ZC3H14: variants seen among roughly 807,000 people sequenced by gnomAD.
ZC3H14 encodes zinc finger CCCH domain-containing protein 14.
Under a neutral mutation model 92.4 loss-of-function variants are expected in ZC3H14, and 31 were observed. That is an observed-to-expected ratio of 0.34 (90% confidence interval 0.25 to 0.45). ZC3H14 has a LOEUF of 0.45. Among genes scored for constraint, ZC3H14 ranks in the 20% least tolerant of loss-of-function variants. The probability of loss-of-function intolerance (pLI) is 1.00; values close to 1 mark genes in which losing one functional copy is unlikely to be tolerated. For synonymous variants in ZC3H14, 321 were observed against 300.9 expected, an observed-to-expected ratio of 1.07 and a Z score of -0.69; for missense variants, 781 against 897.3, an observed-to-expected ratio of 0.87 and a Z score of 1.66.
Position 88,618,058 on chromosome 14 carries a change from A to G in ZC3H14, c.*6307A>G. 1 of 438,708 alleles carries G rather than the reference A, an allele frequency of 2.3e-6. No homozygotes were observed. Among genetic ancestry groups the G allele is most frequent in the Non-Finnish European group, 4.0e-6 (1 of 250,532 alleles). The allele number at this position is 438,708 out of a possible 1,614,324, so 27.2% of individuals were successfully genotyped here. A position where few individuals can be genotyped will look rare whatever the true frequency, so the allele number is the denominator to read the frequency against. On this transcript the variant is annotated 3_prime_UTR_variant, in exon 17 of 17. Coordinates refer to ENST00000251038, the MANE Select transcript of ZC3H14 (RefSeq NM_024824.5). ...ATGGAAACTGATAAAACATGGAAAT[A>G]TATTCAATAAAAAGGGGTCCCAACA...
chr14:88,598,835 C>G (rs1049107047), intron 10 of ZC3H14, among the ~76,000 whole-genome samples: 2 of 152,200 alleles, frequency 1.3e-5, no homozygotes, highest in Non-Finnish European at 2.9e-5. Flanking sequence ...GCCCATAATC[C>G]CAGCACTTGG....
chr14:88,604,063 C>T (rs997361439), intron 12 of ZC3H14, among the ~76,000 whole-genome samples: 1 of 152,044 alleles, frequency 6.6e-6, no homozygotes, highest in South Asian at 2.1e-4. Context: ...GTAGGCAGTC[C>T]CGATTTATTG....
chr14:88,609,186 AGT>A (rs1173661155), intron 13 of ZC3H14, 79 bp from the exon 14 acceptor site: 2 of 1,528,196 alleles, frequency 1.3e-6, no homozygotes, highest in Non-Finnish European at 1.8e-6. Context: ...AGTGATGGGG[AGT>A]GTAAAGAGCC....
At position 88,622,523 on chromosome 14, in the gene ZC3H14, A is replaced by C; in HGVS notation, c.*10772A>C. 9.0e-7 allele frequency: 1 copy of C among 1,109,462 alleles called. No homozygotes were observed. The highest frequency in any genetic ancestry group is 1.3e-6 in the Non-Finnish European group (1 of 790,842). 68.7% of individuals were successfully genotyped at this position (1,109,462 alleles called of 1,614,324 possible). A position where few individuals can be genotyped will look rare whatever the true frequency, so the allele number is the denominator to read the frequency against. On this transcript the variant is annotated 3_prime_UTR_variant, in exon 17 of 17. Coordinates refer to ENST00000251038, the MANE Select transcript of ZC3H14 (RefSeq NM_024824.5). ...TATGCATTATTAAGTATTGTTCATT[A>C]GGCTGCAAAGGGTGAGGGAATCACA...
chr14:88,570,720 A>G (rs1053309505), intron 3 of ZC3H14, among the ~76,000 whole-genome samples: 26 of 152,346 alleles, frequency 1.7e-4, no homozygotes, highest in Non-Finnish European at 1.3e-4. Flanking sequence ...TGAAGAAAAA[A>G]ATACAATTTT....
rs200261955 is a variant in ZC3H14 at position 88,572,104 on chromosome 14, C to T, written c.310C>T (p.Arg104Trp). Reference sequence around the variant, plus strand: ...GCCTTCAAACAAGAGCAATTTCAGTCGGGGAGATGAGAGGAGGCATGAAGC... The same window carrying T: ...GCCTTCAAACAAGAGCAATTTCAGTTGGGGAGATGAGAGGAGGCATGAAGC... ...NVPSNKSNFS[R>W]GDERRHEAAV... Residue 104 changes from arginine (R) to tryptophan (W), a missense_variant, in exon 5 of 17, where the codon CGG becomes TGG. By Grantham distance (101) the Arg-to-Trp change is moderately radical. This residue lies in a region of ZC3H14 where 106 missense variants were observed against 154.2 expected (regional missense o/e 0.69). Transcript: ENST00000251038. 33 of 1,614,032 alleles carry T rather than the reference C, an allele frequency of 2.0e-5. No individual in the cohort carries two copies. Among genetic ancestry groups the T allele is most frequent in the East Asian group, 4.5e-5 (2 of 44,880 alleles).
Position 88,619,011 on chromosome 14 carries a change from A to G in ZC3H14, c.*7260A>G, listed in dbSNP as rs904202676. The G allele has an allele frequency of 7.0e-6, 3 of 429,782 alleles. No individual in the cohort carries two copies. The highest frequency in any genetic ancestry group is 1.2e-5 in the Non-Finnish European group (3 of 254,796). The allele number at this position is 429,782 out of a possible 1,614,324, so 26.6% of individuals were successfully genotyped here. A position where few individuals can be genotyped will look rare whatever the true frequency, so the allele number is the denominator to read the frequency against. On this transcript the variant is annotated 3_prime_UTR_variant, in exon 17 of 17. Coordinates refer to ENST00000251038, the MANE Select transcript of ZC3H14 (RefSeq NM_024824.5). ...TAAGGAAGCTTTATATTTTACTTAAATTTTAAATATTTCCCCAATTGTCAT... is the reference window on the plus strand; with the variant it reads ...TAAGGAAGCTTTATATTTTACTTAAGTTTTAAATATTTCCCCAATTGTCAT...
At chr14:88,597,349 C>T (rs548943731) in intron 10 of ZC3H14, among the ~76,000 whole-genome samples, 1 of 152,312 alleles carries the variant, frequency 6.6e-6, no homozygotes, top group Admixed American at 6.5e-5. Flanking sequence ...TTATCTCTGT[C>T]CTCAGTGCCC....
chr14:88,572,372 A>C, intron 5 of ZC3H14, 147 bp downstream of exon 5: 1 of 1,106,652 alleles, frequency 9.0e-7, no homozygotes. Context: ...AAAATAATGG[A>C]TAAGATCTAA....
chr14:88,600,188 T>A (rs1372788961), intron 10 of ZC3H14, among the ~76,000 whole-genome samples: 1 of 152,206 alleles, frequency 6.6e-6, no homozygotes, highest in Non-Finnish European at 1.5e-5. Flanking sequence ...CTTCCGCCTG[T>A]CTCCCTTTAC....
chr14:88,593,209 A>G (rs4904459), intron 9 of ZC3H14, among the ~76,000 whole-genome samples: 133,659 of 151,908 alleles, frequency 0.88, 59,501 homozygotes, highest in Non-Finnish European at 0.94. Flanking sequence ...CTCATAATCC[A>G]CCCACCTTGG....
At chr14:88,608,821 G>A (rs144086715) in intron 13 of ZC3H14, 262 of 165,112 alleles carry the variant, frequency 1.6e-3, no homozygotes, top group Non-Finnish European at 2.9e-3. Flanking sequence ...TTTGCCGGGG[G>A]TAGGTCCTAT....
intron 9 of ZC3H14, chr14:88,590,306 C>G (rs149058563): frequency 6.6e-6 from 1 of 152,340 alleles, no homozygotes; most frequent in African/African-American, 2.4e-5. Flanking sequence ...TACTTTGCAG[C>G]TTAGAACCCC....
chr14:88,575,754 G>T, intron 7 of ZC3H14, 86 bp from the exon 8 acceptor site: 1 of 1,101,182 alleles, frequency 9.1e-7, no homozygotes, highest in Non-Finnish European at 1.4e-6. Context: ...ACCTAGAGAA[G>T]GTTGTGGTAA....
At chr14:88,587,877 G>A (rs1334909751) in intron 9 of ZC3H14, among the ~76,000 whole-genome samples, 1 of 152,026 alleles carries the variant, frequency 6.6e-6, no homozygotes, top group Non-Finnish European at 1.5e-5. Flanking sequence ...GGAGTTCGAG[G>A]TTACAGTGAG....
chr14:88,605,854 T>G (rs1166540446), intron 12 of ZC3H14, among the ~76,000 whole-genome samples: 1 of 152,174 alleles, frequency 6.6e-6, no homozygotes, highest in Non-Finnish European at 1.5e-5. Flanking sequence ...CTGTTTTGCA[T>G]TTTTTCCGTT....
At chr14:88,603,189 T>C (rs914834974) in intron 12 of ZC3H14, 129 bp downstream of exon 12, 10 of 910,074 alleles carry the variant, frequency 1.1e-5, no homozygotes, top group Non-Finnish European at 7.0e-6. Context: ...CCTTTTTTCT[T>C]CTTTCAGACA....
chr14:88,567,236 C>G (rs2079796884), intron 2 of ZC3H14, among the ~76,000 whole-genome samples: 1 of 151,450 alleles, frequency 6.6e-6, no homozygotes, highest in Non-Finnish European at 1.5e-5. Context: ...CTGCCTCGGC[C>G]TCCCGAGTAG....
intron 1 of ZC3H14, 49 bp downstream of exon 1, chr14:88,563,218 G>A: frequency 1.3e-6 from 2 of 1,581,550 alleles, no homozygotes; most frequent in Non-Finnish European, 1.7e-6. Context: ...CGGCGAGCGG[G>A]CGGTTGTCAG....
Sources: allele counts gnomAD v4.1 joint callset (sites outside exome capture counted in the v4.1 genomes callset), GRCh38; gene constraint gnomAD v4.1.1; regional missense constraint gnomAD v4.1.1; transcripts MANE v1.5; gene names NCBI Gene and HGNC (gene_info 2026-07-23, HGNC 2026-07-21).